Variants in LMTK2 observed in about 807,000 individuals in gnomAD.
The protein encoded by LMTK2 is lemur tail kinase 2.
In LMTK2, 37 loss-of-function variants were observed where a neutral mutation model predicts 127.5. The observed-to-expected ratio is 0.29, with a 90% CI of 0.22 to 0.38. The LOEUF (loss-of-function observed/expected upper bound fraction) is 0.38. Ranked by LOEUF, LMTK2 falls within the 10% of genes least tolerant of loss-of-function variation. The pLI, the probability that LMTK2 is intolerant of heterozygous loss-of-function variation, is 1.00. For missense variants in LMTK2, 1,694 were observed against 1,920.3 expected, an observed-to-expected ratio of 0.88 and a Z score of 2.20; for synonymous variants, 819 against 810.1, an observed-to-expected ratio of 1.01 and a Z score of -0.19.
intron 2 of LMTK2, among the ~76,000 whole-genome samples, chr7:98,140,143 T>TGTCTGTCCGTCC (rs1562902710): frequency 2.7e-4 from 2 of 7,342 alleles, no homozygotes; most frequent in Non-Finnish European, 4.4e-4. Context: ...TCTTTCTTTC[T>TGTCTGTCCGTCC]TTTCTTTTCT....
intron 3 of LMTK2, among the ~76,000 whole-genome samples, chr7:98,149,964 A>G (rs1796828250): frequency 6.6e-6 from 1 of 152,214 alleles, no homozygotes; most frequent in South Asian, 2.1e-4. Context: ...AAATGAGGCA[A>G]AGATTTGCAT....
At chr7:98,160,056 C>T (rs150507499) in intron 6 of LMTK2, among the ~76,000 whole-genome samples, 13 of 152,248 alleles carry the variant, frequency 8.5e-5, no homozygotes, top group African/African-American at 2.9e-4. Flanking sequence ...CTCTAAACAT[C>T]TTTTCCCGCA....
chr7:98,165,969 G>T (rs1192065404), intron 6 of LMTK2, among the ~76,000 whole-genome samples: 1 of 152,104 alleles, frequency 6.6e-6, no homozygotes, highest in Non-Finnish European at 1.5e-5. Flanking sequence ...ATTGGGTCGG[G>T]GGTACGTTCC....
chr7:98,150,165 G>A (rs1389605578), intron 3 of LMTK2, among the ~76,000 whole-genome samples: 6 of 151,984 alleles, frequency 3.9e-5, no homozygotes, highest in Admixed American at 2.0e-4. Flanking sequence ...AAAAGTAGTC[G>A]GGCGTGGTAG....
intron 6 of LMTK2, among the ~76,000 whole-genome samples, chr7:98,168,628 C>T (rs1047314651): frequency 6.6e-6 from 1 of 152,194 alleles, no homozygotes; most frequent in Non-Finnish European, 1.5e-5. Flanking sequence ...TAATTAATTG[C>T]TCCTAGTGTC....
intron 8 of LMTK2, among the ~76,000 whole-genome samples, chr7:98,185,476 T>C (rs1249597949): frequency 6.6e-6 from 1 of 152,256 alleles, no homozygotes; most frequent in Non-Finnish European, 1.5e-5. Flanking sequence ...ACATATCATA[T>C]AAATGTTTCT....
At chr7:98,138,089 G>T (rs1398321879) in intron 2 of LMTK2, among the ~76,000 whole-genome samples, 1 of 152,210 alleles carries the variant, frequency 6.6e-6, no homozygotes, top group Admixed American at 6.5e-5. Flanking sequence ...CAGTGAACCA[G>T]CCAGGAAGGC....
intron 3 of LMTK2, among the ~76,000 whole-genome samples, chr7:98,147,746 T>C (rs188255108): frequency 6.6e-6 from 1 of 152,232 alleles, no homozygotes; most frequent in African/African-American, 2.4e-5. Context: ...TCACTGATTC[T>C]GTCTGCCCAA....
intron 1 of LMTK2, among the ~76,000 whole-genome samples, chr7:98,128,297 C>A (rs765243531): frequency 6.6e-6 from 1 of 152,116 alleles, no homozygotes; most frequent in Non-Finnish European, 1.5e-5. Flanking sequence ...GAGGGCGGGC[C>A]GTAGTCCATT....
At chr7:98,107,664 G>A (rs754219607) in intron 1 of LMTK2, among the ~76,000 whole-genome samples, 13 of 152,232 alleles carry the variant, frequency 8.5e-5, no homozygotes, top group Non-Finnish European at 1.8e-4. Context: ...CCGTTTCTTA[G>A]CCCTAATCAT....
intron 11 of LMTK2, among the ~76,000 whole-genome samples, chr7:98,200,794 G>A (rs1457549489): frequency 1.3e-5 from 2 of 152,150 alleles, no homozygotes; most frequent in African/African-American, 4.8e-5. Context: ...TATGAAAATA[G>A]TTGTTATACT....
At chr7:98,177,810 A>C (rs1410037417) in intron 7 of LMTK2, among the ~76,000 whole-genome samples, 2 of 152,236 alleles carry the variant, frequency 1.3e-5, no homozygotes, top group Non-Finnish European at 2.9e-5. Flanking sequence ...CAGCTAGCAA[A>C]GACTGACCTA....
At chr7:98,187,517 T>G (rs1797454873) in intron 9 of LMTK2, among the ~76,000 whole-genome samples, 1 of 152,162 alleles carries the variant, frequency 6.6e-6, no homozygotes, top group African/African-American at 2.4e-5. Flanking sequence ...TTAAAACAAT[T>G]TTTTTGCTTT....
chr7:98,173,487 A>T (rs1797225716), intron 7 of LMTK2, among the ~76,000 whole-genome samples: 1 of 152,316 alleles, frequency 6.6e-6, no homozygotes, highest in African/African-American at 2.4e-5. Context: ...CAAAATGCAG[A>T]TAATTACTAA....
intron 9 of LMTK2, 137 bp from the exon 10 acceptor site, chr7:98,190,591 A>T (rs1254974828): frequency 1.2e-6 from 1 of 868,388 alleles, no homozygotes; most frequent in Non-Finnish European, 1.9e-6. Context: ...AAACAACAAC[A>T]ACAACAACAA....
chr7:98,148,504 A>AT (rs1173913947), intron 3 of LMTK2, among the ~76,000 whole-genome samples: 219 of 149,598 alleles, frequency 1.5e-3, no homozygotes, highest in Non-Finnish European at 2.0e-3. Context: ...AAAAAAAAAA[A>AT]AAATAATAAT....
chr7:98,137,031 T>C (rs1387705105), intron 1 of LMTK2, among the ~76,000 whole-genome samples: 1 of 152,236 alleles, frequency 6.6e-6, no homozygotes, highest in East Asian at 1.9e-4. Context: ...GTTACTGTCC[T>C]AGTTTTGATC....
chr7:98,112,884 T>C (rs1164759603), intron 1 of LMTK2, among the ~76,000 whole-genome samples: 2 of 152,162 alleles, frequency 1.3e-5, no homozygotes, highest in African/African-American at 4.8e-5. Flanking sequence ...GGAAAAACAG[T>C]CTTGCTCTGT....
chr7:98,145,064 T>G (rs888715538), intron 3 of LMTK2, among the ~76,000 whole-genome samples: 4 of 152,166 alleles, frequency 2.6e-5, no homozygotes, highest in Non-Finnish European at 4.4e-5. Context: ...GTTTATAATT[T>G]TGGTGGGTCT....
Sources: gnomAD v4.1 joint callset for allele counts (sites outside exome capture counted in the v4.1 genomes callset) on GRCh38, gnomAD v4.1.1 for gene constraint, MANE v1.5 for transcripts, NCBI Gene and HGNC (gene_info 2026-07-23, HGNC 2026-07-21) for gene names.